Variants in PATJ observed in about 807,000 individuals in gnomAD.
PATJ encodes the protein inaD-like protein.
Under a neutral mutation model 224.9 loss-of-function variants are expected in PATJ, and 190 were observed. The observed-to-expected ratio is 0.84, with a 90% CI of 0.75 to 0.95. The LOEUF is 0.95. PATJ is among the 40% of genes least tolerant of loss of function. PATJ has a pLI of 0.00. For missense variants in PATJ, 2,121 were observed against 2,270.3 expected (o/e 0.93, Z 1.34); for synonymous variants, 769 against 820.3 (o/e 0.94, Z 1.07).
chr1:62,135,605 TTG>T (rs1666778110), intron 41 of PATJ, among the ~76,000 whole-genome samples: 7 of 151,010 alleles, frequency 4.6e-5, no homozygotes, highest in Middle Eastern at 7.0e-3. Flanking sequence ...GGTTTGAAAG[TTG>T]AAATGAACAC....
chr1:62,119,907 G>A (rs751102935), intron 37 of PATJ, among the ~76,000 whole-genome samples: 1 of 152,190 alleles, frequency 6.6e-6, no homozygotes, highest in Admixed American at 6.5e-5. Context: ...TTGCACCACT[G>A]CACTACAGCC....
intron 21 of PATJ, among the ~76,000 whole-genome samples, chr1:61,883,285 A>G (rs1227253713): frequency 1.3e-5 from 2 of 152,236 alleles, no homozygotes; most frequent in African/African-American, 2.4e-5. Context: ...ATAGAAATCA[A>G]AATTAATTGC....
intron 16 of PATJ, among the ~76,000 whole-genome samples, chr1:61,832,497 G>C (rs760330787): frequency 3.3e-5 from 5 of 151,924 alleles, no homozygotes; most frequent in Non-Finnish European, 5.9e-5. Flanking sequence ...ATTTACTGAG[G>C]TTACCCAAAG....
chr1:61,921,268 A>G (rs1194105427), intron 26 of PATJ, among the ~76,000 whole-genome samples: 6 of 152,156 alleles, frequency 3.9e-5, no homozygotes, highest in Admixed American at 3.9e-4. Flanking sequence ...AGTTTTTGCA[A>G]AAAGATGAGG....
intron 29 of PATJ, among the ~76,000 whole-genome samples, chr1:62,020,019 A>G (rs981071250): frequency 1.4e-4 from 21 of 152,020 alleles, no homozygotes; most frequent in Non-Finnish European, 2.9e-5. Context: ...AGAAAAAAAA[A>G]TTAGCCAGGC....
intron 22 of PATJ, among the ~76,000 whole-genome samples, chr1:61,886,610 A>G (rs944052548): frequency 2.0e-5 from 3 of 151,780 alleles, no homozygotes; most frequent in East Asian, 1.9e-4. Flanking sequence ...ACCTGAGGTC[A>G]GGAGTTCGAG....
chr1:61,957,929 A>AT (rs1680667628), intron 27 of PATJ, among the ~76,000 whole-genome samples: 2 of 152,142 alleles, frequency 1.3e-5, no homozygotes, highest in Non-Finnish European at 2.9e-5. Context: ...CTGAACTTTG[A>AT]TTTTCTTTTC....
chr1:61,850,341 A>T (rs539433094), intron 17 of PATJ, among the ~76,000 whole-genome samples: 1 of 152,218 alleles, frequency 6.6e-6, no homozygotes, highest in Admixed American at 6.5e-5. Context: ...GGGCATAATG[A>T]TTATCACATG....
intron 27 of PATJ, among the ~76,000 whole-genome samples, chr1:61,971,738 A>T (rs1683003857): frequency 6.6e-6 from 1 of 152,086 alleles, no homozygotes; most frequent in Non-Finnish European, 1.5e-5. Context: ...TCACTCCTGT[A>T]ATCCCAACAC....
At chr1:61,863,256 G>T (rs12142851) in intron 19 of PATJ, among the ~76,000 whole-genome samples, 13 of 151,816 alleles carry the variant, frequency 8.6e-5, no homozygotes, top group Non-Finnish European at 2.9e-5. Context: ...GCCTGGTCTA[G>T]AACTCTTGTA....
At chr1:62,100,616 G>A (rs769146507) in intron 33 of PATJ, among the ~76,000 whole-genome samples, 1 of 152,168 alleles carries the variant, frequency 6.6e-6, no homozygotes, top group Non-Finnish European at 1.5e-5. Flanking sequence ...ATTGGTTTTG[G>A]TTGGAGTAAG....
chr1:61,882,975 AGT>A (rs1355385056), intron 21 of PATJ, among the ~76,000 whole-genome samples: 1 of 151,750 alleles, frequency 6.6e-6, no homozygotes, highest in African/African-American at 2.4e-5. Flanking sequence ...ATCTTTTTAT[AGT>A]GTGTGTGTGA....
At chr1:61,869,361 C>T (rs372209905) in intron 20 of PATJ, among the ~76,000 whole-genome samples, 1 of 152,080 alleles carries the variant, frequency 6.6e-6, no homozygotes, top group African/African-American at 2.4e-5. Context: ...CCGCCTCGGC[C>T]TCCCAAAGTT....
At chr1:61,809,387 CTTTTTTTTTTT>C (rs747444674) in intron 14 of PATJ, among the ~76,000 whole-genome samples, 5 of 137,928 alleles carry the variant, frequency 3.6e-5, no homozygotes, top group African/African-American at 1.3e-4. Context: ...AATGTATTTT[CTTTTTTTTTTT>C]TTTTTTGAGA....
chr1:61,801,731 C>G lies in PATJ; in HGVS notation c.1511C>G (p.Thr504Ser). Residue 504 changes from threonine (T) to serine (S), a missense_variant, in exon 12 of 44, where the codon ACT becomes AGT. Thr to Ser is a moderately conservative substitution (Grantham distance 58). Coordinates refer to ENST00000642238, the MANE Select transcript of PATJ (RefSeq NM_001350145.3). ...GAGGAAATTAAAGAAAGAATTGATA[C>G]TTTAAAAAATGACAACATACAAGCC... ...EDEEIKERIDTLKNDNIQALE... is the reference protein window; with the variant it reads ...EDEEIKERIDSLKNDNIQALE... 1 of 1,599,418 alleles carries G rather than the reference C, an allele frequency of 6.3e-7. No individual in the cohort carries two copies. Among genetic ancestry groups the G allele is most frequent in the Non-Finnish European group, 8.5e-7 (1 of 1,171,296 alleles).
chr1:62,041,504 A>T (rs952538897), intron 30 of PATJ, among the ~76,000 whole-genome samples: 1 of 152,144 alleles, frequency 6.6e-6, no homozygotes, highest in Non-Finnish European at 1.5e-5. Flanking sequence ...AAGTGAGCAG[A>T]TCCTTGATGT....
At chr1:61,782,536 A>G (rs1647552264) in intron 7 of PATJ, among the ~76,000 whole-genome samples, 1 of 152,238 alleles carries the variant, frequency 6.6e-6, no homozygotes, top group African/African-American at 2.4e-5. Context: ...TGTAAAAGAA[A>G]TGAAGTAGAA....
chr1:62,059,360 C>G (rs1395722921), intron 31 of PATJ, among the ~76,000 whole-genome samples: 4 of 152,006 alleles, frequency 2.6e-5, no homozygotes, highest in African/African-American at 4.8e-5. Flanking sequence ...GGTTGCTCAC[C>G]CCTGTAATCC....
intron 27 of PATJ, among the ~76,000 whole-genome samples, chr1:61,978,100 T>C (rs1024928904): frequency 2.6e-5 from 4 of 151,822 alleles, no homozygotes; most frequent in Non-Finnish European, 4.4e-5. Flanking sequence ...CTGAAAGTCA[T>C]CATTTTCTTA....
Sources: gnomAD v4.1 joint callset for allele counts (sites outside exome capture counted in the v4.1 genomes callset) on GRCh38, gnomAD v4.1.1 for gene constraint, MANE v1.5 for transcripts, NCBI Gene and HGNC (gene_info 2026-07-23, HGNC 2026-07-21) for gene names.